Variants in UBP1 observed in about 807,000 individuals in gnomAD.
UBP1 encodes the protein upstream binding protein 1, also known as upstream-binding protein 1.
In UBP1, 22 loss-of-function variants were observed where a neutral mutation model predicts 76.1. The observed-to-expected ratio is 0.29, with a 90% CI of 0.21 to 0.41. UBP1 has a LOEUF of 0.41. UBP1 is among the 10% of genes least tolerant of loss of function. UBP1 has a pLI of 1.00. For synonymous variants in UBP1, 224 were observed against 237.1 expected (o/e 0.94, Z 0.51); for missense variants, 436 against 668.1 (o/e 0.65, Z 3.83).
intron 2 of UBP1, among the ~76,000 whole-genome samples, chr3:33,419,545 T>C (rs1394294919): frequency 3.3e-5 from 5 of 151,346 alleles, no homozygotes; most frequent in Admixed American, 3.3e-4. Context: ...GGAGAATCAC[T>C]TGAACCTGTG....
intron 1 of UBP1, among the ~76,000 whole-genome samples, chr3:33,434,855 T>G (rs553604719): frequency 2.6e-5 from 4 of 151,784 alleles, no homozygotes; most frequent in Non-Finnish European, 5.9e-5. Flanking sequence ...CCCAGCTAAT[T>G]TTCGTATTTT....
rs981085971 is a variant in UBP1 at position 33,428,789 on chromosome 3, T to C, written c.114-3048A>G. 2.0e-5 allele frequency among the ~76,000 whole-genome samples: 3 copies of C among 150,038 alleles called. No homozygotes were observed. In the Admixed American group the frequency reaches 2.0e-4, roughly 10 times the overall value. On this transcript the variant is annotated intron_variant, in intron 1 of 15. Coordinates refer to ENST00000283629, the MANE Select transcript of UBP1 (RefSeq NM_014517.5). ...ATCAGCTCACTTTCAACCAAAGTCC[T>C]TACGAAATCCTACGTCTCAAAAAAA... is the stretch of plus-strand genomic sequence containing the variant.
Position 33,440,003 on chromosome 3 carries a change from GC to G in UBP1, c.-156del. On this transcript the variant is annotated 5_prime_UTR_variant, in exon 1 of 16. The change abolishes the stop of an existing upstream ORF in the 5' untranslated region. Coordinates refer to ENST00000283629, the MANE Select transcript of UBP1 (RefSeq NM_014517.5). Reference sequence around the variant, plus strand: ...GGCGGCCGGGACGAGAGCTGCGGGGGCCCCACTGGCAGGGCACGACGAGCCC... The same window carrying G: ...GGCGGCCGGGACGAGAGCTGCGGGGGCCCACTGGCAGGGCACGACGAGCCC... The G allele has an allele frequency of 4.3e-6, 3 of 705,108 alleles. No individual in the cohort carries two copies. Among genetic ancestry groups the G allele is most frequent in the Non-Finnish European group, 6.5e-6 (3 of 458,096 alleles). 43.7% of individuals were successfully genotyped at this position (705,108 alleles called of 1,614,324 possible). A position where few individuals can be genotyped will look rare whatever the true frequency, so the allele number is the denominator to read the frequency against.
At chr3:33,432,073 A>G (rs548457783) in intron 1 of UBP1, among the ~76,000 whole-genome samples, 4 of 152,292 alleles carry the variant, frequency 2.6e-5, no homozygotes, top group African/African-American at 4.8e-5. Context: ...CACACCTGTA[A>G]TCTCAACACT....
Position 33,426,039 on chromosome 3 carries a change from A to ATATG in UBP1, c.114-299_114-298insCATA, listed in dbSNP as rs61119304. Among the ~76,000 whole-genome samples the ATATG allele has an allele frequency of 1.3e-3, 108 of 82,848 alleles. 2 individuals carry two copies. Among genetic ancestry groups the ATATG allele is most frequent in the East Asian group, 7.9e-3 (8 of 1,008 alleles). The allele number at this position is 82,848 out of a possible 152,430, so 54.4% of individuals were successfully genotyped here. A position where few individuals can be genotyped will look rare whatever the true frequency, so the allele number is the denominator to read the frequency against. ...TATATATATATATATATATATATAT[A>ATATG]GCACTTTAAAAACTTCTTTTAAAAC... On this transcript the variant is annotated intron_variant, in intron 1 of 15. Coordinates refer to ENST00000283629, the MANE Select transcript of UBP1 (RefSeq NM_014517.5).
intron 6 of UBP1, 46 bp from the exon 7 acceptor site, chr3:33,409,392 C>T (rs776224587): frequency 2.5e-6 from 4 of 1,613,748 alleles, no homozygotes; most frequent in African/African-American, 2.7e-5. Context: ...TGCAGACACA[C>T]AGCTTTACAG....
At chr3:33,432,495 A>C (rs945290106) in intron 1 of UBP1, among the ~76,000 whole-genome samples, 5 of 152,238 alleles carry the variant, frequency 3.3e-5, no homozygotes, top group Admixed American at 3.3e-4. Context: ...ATATTTAGAT[A>C]AATTGAGACA....
At chr3:33,433,616 G>A (rs970996038) in intron 1 of UBP1, among the ~76,000 whole-genome samples, 1 of 151,764 alleles carries the variant, frequency 6.6e-6, no homozygotes, top group African/African-American at 2.4e-5. Context: ...CAGTGCCACT[G>A]CACTCCAGCC....
chr3:33,396,509 G>T, intron 12 of UBP1: 1 of 506,896 alleles, frequency 2.0e-6, no homozygotes, highest in East Asian at 3.3e-5. Context: ...GAGATGGTCT[G>T]TCAGATGCTG....
At chr3:33,400,919 G>T in intron 10 of UBP1, 43 bp downstream of exon 10, 1 of 1,568,666 alleles carries the variant, frequency 6.4e-7, no homozygotes, top group South Asian at 1.2e-5. Context: ...TTAAAATGTA[G>T]AACCCTGAAA....
At chr3:33,434,740 A>C (rs1430149901) in intron 1 of UBP1, among the ~76,000 whole-genome samples, 3 of 127,892 alleles carry the variant, frequency 2.3e-5, no homozygotes, top group African/African-American at 9.0e-5. Flanking sequence ...AGGCTGGAGC[A>C]CAGTGGCGCG....
chr3:33,439,578 G>A (rs1042424153), intron 1 of UBP1, among the ~76,000 whole-genome samples, 158 bp downstream of exon 1: 3 of 152,196 alleles, frequency 2.0e-5, no homozygotes, highest in Non-Finnish European at 4.4e-5. Flanking sequence ...GAGGCCTTTG[G>A]GGTTCCATGG....
chr3:33,421,649 A>G (rs1194934192), intron 2 of UBP1, among the ~76,000 whole-genome samples: 3 of 152,228 alleles, frequency 2.0e-5, no homozygotes, highest in Admixed American at 1.3e-4. Flanking sequence ...ACATCAATAC[A>G]ACTAGGAAAA....
intron 1 of UBP1, 52 bp downstream of exon 1, chr3:33,439,684 C>A: frequency 6.3e-7 from 1 of 1,587,478 alleles, no homozygotes; most frequent in South Asian, 1.1e-5. Context: ...CAGGGCTGCG[C>A]AGGCCTTCCC....
At chr3:33,396,070 C>G in intron 13 of UBP1, 92 bp downstream of exon 13, 1 of 1,200,996 alleles carries the variant, frequency 8.3e-7, no homozygotes, top group Non-Finnish European at 1.2e-6. Context: ...CCTAACACAG[C>G]AAGAGTTCTC....
chr3:33,426,034 TATATAG>T lies in UBP1; in HGVS notation c.114-299_114-294del, dbSNP rs1441589024. Among the ~76,000 whole-genome samples the T allele has an allele frequency of 1.7e-3, 145 of 86,122 alleles. 5 individuals carry two copies. The highest frequency in any genetic ancestry group is 7.5e-3 in the East Asian group (9 of 1,202). The allele number at this position is 86,122 out of a possible 152,430, so 56.5% of individuals were successfully genotyped here. A position where few individuals can be genotyped will look rare whatever the true frequency, so the allele number is the denominator to read the frequency against. On this transcript the variant is annotated intron_variant, in intron 1 of 15. Coordinates refer to ENST00000283629, the MANE Select transcript of UBP1 (RefSeq NM_014517.5). The stretch of plus-strand genomic sequence containing the variant: ...ATATATATATATATATATATATATA[TATATAG>T]CACTTTAAAAACTTCTTTTAAAACT...
At chr3:33,419,648 GAAGAA>G (rs1575482374) in intron 2 of UBP1, among the ~76,000 whole-genome samples, 2 of 143,108 alleles carry the variant, frequency 1.4e-5, no homozygotes, top group South Asian at 2.2e-4. Context: ...AAAAAAACCA[GAAGAA>G]AAGAAAAGAC....
chr3:33,400,947 G>A lies in UBP1; in HGVS notation c.1086+15C>T. The stretch of plus-strand genomic sequence containing the variant: ...CCCTGAAAGCATCAGATAGTTTTAG[G>A]AGAAAGATACTTACTTCACCAGAGG... On this transcript the variant is annotated intron_variant, in intron 10 of 15. Transcript: ENST00000283629. 1 of 1,592,312 alleles carries A rather than the reference G, an allele frequency of 6.3e-7. No individual in the cohort carries two copies. The highest frequency in any genetic ancestry group is 8.5e-7 in the Non-Finnish European group (1 of 1,172,766).
At chr3:33,397,238 G>C (rs1056247893) in intron 11 of UBP1, 103 bp from the exon 12 acceptor site, 9 of 813,046 alleles carry the variant, frequency 1.1e-5, no homozygotes, top group Non-Finnish European at 1.1e-5. Flanking sequence ...AAAATAATCA[G>C]ATATCCTGAA....
Sources: allele counts gnomAD v4.1 joint callset (sites outside exome capture counted in the v4.1 genomes callset), GRCh38; gene constraint gnomAD v4.1.1; transcripts MANE v1.5; gene names NCBI Gene and HGNC (gene_info 2026-07-23, HGNC 2026-07-21).